CFAP299: variants seen among roughly 807,000 people sequenced by gnomAD.
The protein encoded by CFAP299 is cilia- and flagella-associated protein 299.
Under a neutral mutation model 27.0 loss-of-function variants are expected in CFAP299, and 21 were observed. The observed-to-expected ratio is 0.78, with a 90% confidence interval of 0.55 to 1.12. The LOEUF (loss-of-function observed/expected upper bound fraction) is 1.12, where lower values mean the gene tolerates loss of function less well. CFAP299 is among the 50% of genes most tolerant of loss of function. The probability of loss-of-function intolerance (pLI) is 0.00; values close to 1 mark genes in which losing one functional copy is unlikely to be tolerated. For missense variants in CFAP299, 310 were observed against 276.6 expected (o/e 1.12, Z -0.86); for synonymous variants, 104 against 98.1 (o/e 1.06, Z -0.36).
chr4:80,505,803 G>A (rs1229991744), intron 2 of CFAP299, among the ~76,000 whole-genome samples: 1 of 151,904 alleles, frequency 6.6e-6, no homozygotes, highest in African/African-American at 2.4e-5. Context: ...AATAAAAAAT[G>A]CTTAGCTAAA....
At position 80,889,736 on chromosome 4, in the gene CFAP299, G is replaced by A. The variant is rs189422275; in HGVS notation, c.476+19601G>A. Among the ~76,000 whole-genome samples the A allele has an allele frequency of 3.6e-4, 54 of 151,960 alleles. 1 individual carries two copies. The highest frequency in any genetic ancestry group is 1.2e-3 in the African/African-American group (51 of 41,476). On this transcript the variant is annotated intron_variant, in intron 4 of 5. Transcript: ENST00000358105. Reference sequence around the variant, plus strand: ...TACAAAAATTCTCAACAAAATACTCGCAAACCAAATTCAAAAATACATTAA... The same window carrying A: ...TACAAAAATTCTCAACAAAATACTCACAAACCAAATTCAAAAATACATTAA...
At chr4:80,819,396 A>C (rs1018793833) in intron 3 of CFAP299, among the ~76,000 whole-genome samples, 7 of 152,128 alleles carry the variant, frequency 4.6e-5, no homozygotes, top group Non-Finnish European at 8.8e-5. Flanking sequence ...AATTAAATCA[A>C]CTGGTAGGTT....
At chr4:80,934,573 C>G (rs1010502683) in intron 4 of CFAP299, among the ~76,000 whole-genome samples, 1 of 150,936 alleles carries the variant, frequency 6.6e-6, no homozygotes, top group South Asian at 2.1e-4. Context: ...AACTTTGTTA[C>G]TCATTATTTG....
intron 4 of CFAP299, among the ~76,000 whole-genome samples, chr4:80,939,304 A>G (rs1737075977): frequency 6.6e-6 from 1 of 152,072 alleles, no homozygotes. Flanking sequence ...CTTATACTAC[A>G]TATACTGTCT....
At chr4:80,686,438 A>C (rs529454339) in intron 3 of CFAP299, among the ~76,000 whole-genome samples, 4 of 152,374 alleles carry the variant, frequency 2.6e-5, no homozygotes, top group Admixed American at 2.0e-4. Context: ...TGTTATAAAA[A>C]TACTTTCATA....
At chr4:80,680,805 C>G (rs1003216100) in intron 3 of CFAP299, among the ~76,000 whole-genome samples, 3 of 152,166 alleles carry the variant, frequency 2.0e-5, no homozygotes, top group African/African-American at 7.2e-5. Context: ...CTACTATACA[C>G]TCTCAGCCAT....
At position 80,959,703 on chromosome 4, in the gene CFAP299, T is replaced by C. The variant is rs927781081; in HGVS notation, c.607-3814T>C. Among the ~76,000 whole-genome samples, 11 of 152,132 alleles carry C rather than the reference T, an allele frequency of 7.2e-5. No homozygotes were observed. In the South Asian group the frequency reaches 2.1e-3, roughly 29 times the overall value. On this transcript the variant is annotated intron_variant, in intron 5 of 5. Transcript: ENST00000358105. ...TTGCAAAGGTAAAGGAATAACTCTTTGTGATATTTTTGAAGGGCCATCTGG... is the reference window on the plus strand; with the variant it reads ...TTGCAAAGGTAAAGGAATAACTCTTCGTGATATTTTTGAAGGGCCATCTGG...
chr4:80,448,379 G>A (rs963844123), intron 2 of CFAP299, among the ~76,000 whole-genome samples: 1 of 152,172 alleles, frequency 6.6e-6, no homozygotes, highest in African/African-American at 2.4e-5. Context: ...GTAAGTTTGA[G>A]AAGTTTTCTG....
chr4:80,886,636 A>G (rs1277163734), intron 4 of CFAP299, among the ~76,000 whole-genome samples: 3 of 152,260 alleles, frequency 2.0e-5, no homozygotes, highest in Non-Finnish European at 4.4e-5. Context: ...GACTATGAAG[A>G]CAACAATAAA....
intron 3 of CFAP299, among the ~76,000 whole-genome samples, chr4:80,849,455 A>G (rs571036701): frequency 2.0e-5 from 3 of 152,320 alleles, no homozygotes; most frequent in Middle Eastern, 3.4e-3. Context: ...ATGATGGTTA[A>G]TTCTGTTTGA....
At chr4:80,675,931 C>T (rs2109999537) in intron 3 of CFAP299, among the ~76,000 whole-genome samples, 1 of 151,904 alleles carries the variant, frequency 6.6e-6, no homozygotes, top group South Asian at 2.1e-4. Flanking sequence ...CCCTATTTTC[C>T]AGGTACAGTC....
chr4:80,847,297 G>T (rs1284316089), intron 3 of CFAP299, among the ~76,000 whole-genome samples: 2 of 152,162 alleles, frequency 1.3e-5, no homozygotes, highest in Admixed American at 1.3e-4. Context: ...TAGCAAGAAG[G>T]TACTTATTCC....
chr4:80,551,017 T>A (rs539237576), intron 2 of CFAP299, among the ~76,000 whole-genome samples: 1 of 152,314 alleles, frequency 6.6e-6, no homozygotes, highest in South Asian at 2.1e-4. Flanking sequence ...ATGCTGCTGG[T>A]AGCTCAGTTA....
At chr4:80,569,141 C>T (rs964411779) in intron 2 of CFAP299, among the ~76,000 whole-genome samples, 1 of 152,022 alleles carries the variant, frequency 6.6e-6, no homozygotes, top group Non-Finnish European at 1.5e-5. Context: ...TTTCCATCAC[C>T]CTTTGTGAAC....
intron 3 of CFAP299, among the ~76,000 whole-genome samples, chr4:80,660,794 A>G (rs1479472751): frequency 6.6e-6 from 1 of 152,174 alleles, no homozygotes; most frequent in African/African-American, 2.4e-5. Flanking sequence ...TTTGGAAACT[A>G]TAAATTATTG....
intron 3 of CFAP299, among the ~76,000 whole-genome samples, chr4:80,636,992 T>C (rs1449014824): frequency 2.0e-5 from 3 of 152,200 alleles, no homozygotes; most frequent in Non-Finnish European, 4.4e-5. Flanking sequence ...GAAAAAAGTT[T>C]TGTTCAATGT....
At chr4:80,349,395 A>T (rs1449425952) in intron 1 of CFAP299, among the ~76,000 whole-genome samples, 1 of 152,212 alleles carries the variant, frequency 6.6e-6, no homozygotes, top group Non-Finnish European at 1.5e-5. Context: ...AATATTTCAC[A>T]TGGAGAATAT....
At chr4:80,826,476 T>A (rs1262018143) in intron 3 of CFAP299, among the ~76,000 whole-genome samples, 1 of 151,746 alleles carries the variant, frequency 6.6e-6, no homozygotes, top group African/African-American at 2.4e-5. Flanking sequence ...AGGAAGAACA[T>A]TATTTATTAA....
intron 2 of CFAP299, among the ~76,000 whole-genome samples, chr4:80,422,723 A>G (rs528727191): frequency 1.3e-5 from 2 of 152,332 alleles, no homozygotes; most frequent in East Asian, 1.9e-4. Flanking sequence ...AATGTACAAT[A>G]CAAGAATTTA....
Sources: gnomAD v4.1 joint callset for allele counts (sites outside exome capture counted in the v4.1 genomes callset) on GRCh38, gnomAD v4.1.1 for gene constraint, MANE v1.5 for transcripts, NCBI Gene and HGNC (gene_info 2026-07-23, HGNC 2026-07-21) for gene names.